Variants in TBC1D9 observed in about 807,000 individuals in gnomAD.
TBC1D9 encodes TBC1 domain family member 9, also known as TBC1 domain family member 9A.
Under a neutral mutation model 132.0 loss-of-function variants are expected in TBC1D9, and 63 were observed. The observed-to-expected ratio is 0.48, with a 90% CI of 0.39 to 0.59. The LOEUF (loss-of-function observed/expected upper bound fraction) is 0.59. TBC1D9 is among the 20% of genes least tolerant of loss of function. The pLI is 0.00. For missense variants in TBC1D9, 1,261 were observed against 1,592.7 expected, an observed-to-expected ratio of 0.79 and a Z score of 3.54; for synonymous variants, 610 against 609.9, an observed-to-expected ratio of 1.00 and a Z score of 0.00.
Position 140,724,497 on chromosome 4 carries a change from C to T in TBC1D9, c.131-22883G>A, listed in dbSNP as rs545289271. On this transcript the variant is annotated intron_variant, in intron 1 of 20. Transcript: ENST00000442267. ...CATACAAAATTTTGAAAGTTTTCTT[C>T]AAGATTCTCTTTGAATTTTAGAGTG... Among the ~76,000 whole-genome samples, 10 of 152,240 alleles carry T rather than the reference C, an allele frequency of 6.6e-5. No homozygotes were observed. The East Asian group carries it at 1.9e-3, about 29-fold the overall frequency.
Position 140,633,933 on chromosome 4 carries a change from G to A in TBC1D9, c.2746+15C>T, listed in dbSNP as rs1736835775. ...GCATCCCATCCCAACTCATGCAATA[G>A]TACCACGTCCTTACTTAGCCCAGAG... On this transcript the variant is annotated intron_variant, in intron 16 of 20. Transcript: ENST00000442267. The A allele has an allele frequency of 1.2e-6, 2 of 1,613,338 alleles. No homozygotes were observed. The highest frequency in any genetic ancestry group is 1.7e-6 in the Non-Finnish European group (2 of 1,179,614).
intron 1 of TBC1D9, among the ~76,000 whole-genome samples, chr4:140,719,809 C>T (rs935244372): frequency 1.1e-4 from 17 of 152,220 alleles, no homozygotes; most frequent in African/African-American, 4.1e-4. Context: ...CGGTACTTAC[C>T]CAAGGCTGGC....
In TBC1D9 at chr4:140,631,192, CA is replaced by C. The variant is rs1245945873; in HGVS notation, c.2746+2755del. On this transcript the variant is annotated intron_variant, in intron 16 of 20. Transcript: ENST00000442267. ...AGCCGCACTGTTGGAGAAAGAGATA[CA>C]GCTAATTTATGGCTTCTGACAGAAA... Among the ~76,000 whole-genome samples the C allele has an allele frequency of 5.9e-5, 9 of 152,322 alleles. 1 individual carries two copies. The South Asian group carries it at 1.5e-3, about 25-fold the overall frequency.
intron 1 of TBC1D9, among the ~76,000 whole-genome samples, chr4:140,730,229 A>T (rs1738565495): frequency 6.6e-6 from 1 of 152,200 alleles, no homozygotes; most frequent in Non-Finnish European, 1.5e-5. Context: ...GCTCTTCCTC[A>T]TCAGGCCACT....
chr4:140,688,215 G>A (rs1306147661), intron 2 of TBC1D9, among the ~76,000 whole-genome samples: 4 of 152,180 alleles, frequency 2.6e-5, no homozygotes, highest in South Asian at 2.1e-4. Flanking sequence ...AAGCTACCAC[G>A]TGTAAAAGCA....
chr4:140,624,867 C>T (rs1736681350), intron 18 of TBC1D9, among the ~76,000 whole-genome samples: 1 of 152,150 alleles, frequency 6.6e-6, no homozygotes, highest in African/African-American at 2.4e-5. Flanking sequence ...TCCTGGTCAA[C>T]ATGGTGAAAC....
Position 140,622,321 on chromosome 4 carries a change from G to A in TBC1D9, c.3675C>T (p.Ala1225=). ...QFLASLLTEP[A]LVKYFDKPVC... ...CGGGCTTGTCAAAGTACTTGACCAG[G>A]GCAGGCTCAGTTAAGAGGGAGGCCA... The change falls in exon 21 of 21, where the codon GCC becomes GCT. Residue 1225 remains alanine, a synonymous_variant. Transcript: ENST00000442267. The A allele has an allele frequency of 1.2e-6, 2 of 1,613,752 alleles. No individual in the cohort carries two copies. The highest frequency in any genetic ancestry group is 1.3e-5 in the African/African-American group (1 of 75,054).
In TBC1D9 at chr4:140,622,442, T is replaced by C. The variant is rs1736632550; in HGVS notation, c.3554A>G (p.Glu1185Gly). The C allele has an allele frequency of 6.2e-7, 1 of 1,613,836 alleles. No individual in the cohort carries two copies. The change falls in exon 21 of 21, where the codon GAG becomes GGG. Residue 1185 changes from glutamate to glycine, a missense_variant. Physicochemically the swap from Glu to Gly is moderately conservative, Grantham distance 98. Around this residue, in one of 3 missense-constraint regions of TBC1D9, gnomAD observed 618 missense variants for 724.4 expected, o/e 0.85. Coordinates refer to ENST00000442267, the MANE Select transcript of TBC1D9 (RefSeq NM_015130.3). Reference sequence around the variant, plus strand: ...GCCGCTCCGCACCAGGACCGTGTCCTCTCCGATGTCCTCGCAGTGCAGCTT... The same window carrying C: ...GCCGCTCCGCACCAGGACCGTGTCCCCTCCGATGTCCTCGCAGTGCAGCTT... ...EDKLHCEDIG[E>G]DTVLVRSGQG...
In TBC1D9 at chr4:140,629,858, C is replaced by T. The variant is rs1021987661; in HGVS notation, c.2747-1493G>A. On this transcript the variant is annotated intron_variant, in intron 16 of 20. Coordinates refer to ENST00000442267, the MANE Select transcript of TBC1D9 (RefSeq NM_015130.3). ...ATAAAACTAATCATGAAAATAATGA[C>T]GGACATTAACCACCCACTCTGTGTT... Among the ~76,000 whole-genome samples, 6 of 152,302 alleles carry T rather than the reference C, an allele frequency of 3.9e-5. No individual in the cohort carries two copies. The East Asian group carries it at 1.2e-3, about 29-fold the overall frequency.
At chr4:140,638,666 AAAGGAAAATCACAG>A (rs2110975738) in intron 15 of TBC1D9, among the ~76,000 whole-genome samples, 1 of 152,224 alleles carries the variant, frequency 6.6e-6, no homozygotes, top group South Asian at 2.1e-4. Flanking sequence ...CTGAATTAGG[AAAGGAAAATCACAG>A]AAATTTAACC....
At chr4:140,627,630 A>G in intron 17 of TBC1D9, 103 bp from the exon 18 acceptor site, 1 of 779,090 alleles carries the variant, frequency 1.3e-6, no homozygotes, top group Non-Finnish European at 2.1e-6. Context: ...ATGAAAAGCT[A>G]AAGTTACAAA....
intron 1 of TBC1D9, among the ~76,000 whole-genome samples, chr4:140,707,117 A>G (rs907355351): frequency 4.4e-5 from 4 of 90,112 alleles, no homozygotes; most frequent in Non-Finnish European, 8.4e-5. Context: ...TCCAATACTT[A>G]GTATTACCAG....
rs766891520 is a variant in TBC1D9 at position 140,669,705 on chromosome 4, C to T, written c.1366G>A (p.Val456Ile). 1.9e-5 allele frequency: 30 copies of T among 1,613,818 alleles called. No individual in the cohort carries two copies. The highest frequency in any genetic ancestry group is 1.2e-4 in the African/African-American group (9 of 74,890). Residue 456 changes from valine (V) to isoleucine (I), a missense_variant, in exon 8 of 21, where the codon GTC becomes ATC. Val to Ile is a conservative substitution (Grantham distance 29). Around this residue, in one of 3 missense-constraint regions of TBC1D9, gnomAD observed 550 missense variants for 699.0 expected, o/e 0.79. Transcript: ENST00000442267. The part of the protein sequence containing the change: ...ERQFNLNGNS[V>I]PTATQTLMTM... ...ATCAGGGTCTGTGTGGCTGTGGGGA[C>T]GCTGTTGCCATTTAGGTTAAACTGG...
At chr4:140,679,328 T>A in intron 4 of TBC1D9, 125 bp from the exon 5 acceptor site, 2 of 1,075,284 alleles carry the variant, frequency 1.9e-6, no homozygotes, top group Non-Finnish European at 2.7e-6. Context: ...CCATATTTGT[T>A]TTGCTTGTTC....
chr4:140,686,603 C>T (rs565526326), intron 2 of TBC1D9, 141 bp from the exon 3 acceptor site: 110 of 581,292 alleles, frequency 1.9e-4, no homozygotes, highest in Admixed American at 8.0e-4. Flanking sequence ...TTTCTCTCCT[C>T]CAGAGGAGAC....
intron 3 of TBC1D9, among the ~76,000 whole-genome samples, chr4:140,683,435 G>A (rs555511903): frequency 1.5e-4 from 23 of 152,240 alleles, no homozygotes; most frequent in African/African-American, 5.3e-4. Flanking sequence ...ACTAGATTAT[G>A]GAATACAGGG....
chr4:140,673,598 A>G (rs112215481), intron 6 of TBC1D9, among the ~76,000 whole-genome samples: 75 of 152,286 alleles, frequency 4.9e-4, no homozygotes, highest in African/African-American at 1.7e-3. Context: ...GGGCTCTACC[A>G]TTAATACATC....
At chr4:140,634,930 C>A (rs975070999) in intron 15 of TBC1D9, among the ~76,000 whole-genome samples, 9 of 152,160 alleles carry the variant, frequency 5.9e-5, no homozygotes, top group Non-Finnish European at 1.2e-4. Context: ...GGAAAAAAGG[C>A]AGCCTCTTTA....
intron 18 of TBC1D9, 139 bp downstream of exon 18, chr4:140,627,302 T>G: frequency 1.7e-6 from 1 of 604,614 alleles, no homozygotes; most frequent in South Asian, 2.1e-5. Flanking sequence ...TCTCAAAAAC[T>G]GGAAAGGAAA....
Sources: allele counts gnomAD v4.1 joint callset (sites outside exome capture counted in the v4.1 genomes callset), GRCh38; gene constraint gnomAD v4.1.1; regional missense constraint gnomAD v4.1.1; transcripts MANE v1.5; gene names NCBI Gene and HGNC (gene_info 2026-07-23, HGNC 2026-07-21).